LIMS1: variants seen among roughly 807,000 people sequenced by gnomAD.
LIMS1 encodes the protein LIM and senescent cell antigen-like-containing domain protein 1.
Under a neutral mutation model 44.1 loss-of-function variants are expected in LIMS1, and 18 were observed. That is an observed-to-expected ratio of 0.41 (90% CI 0.28 to 0.61). The LOEUF (loss-of-function observed/expected upper bound fraction) is 0.61. Among genes scored for constraint, LIMS1 ranks in the 20% least tolerant of loss-of-function variants. LIMS1 has a pLI of 0.32. For synonymous variants in LIMS1, 93 were observed against 149.1 expected (o/e 0.62, Z 2.74); for missense variants, 201 against 422.0 (o/e 0.48, Z 4.59).
At chr2:108,684,711 G>A (rs1339949701) in exon 10 of LIMS1, 1 of 151,840 alleles carries the variant, frequency 6.6e-6, no homozygotes, top group Non-Finnish European at 1.5e-5. Context: ...CCAGGTATTT[G>A]GAAATATACT....
At chr2:108,667,573 G>A (rs550155184) in intron 2 of LIMS1, among the ~76,000 whole-genome samples, 3,624 of 126,500 alleles carry the variant, frequency 0.029, 95 homozygotes, top group African/African-American at 0.081. Flanking sequence ...TATATATACT[G>A]CTGGGCTACT....
At position 108,613,646 on chromosome 2, in the gene LIMS1, A is replaced by G. The variant is rs539333271; in HGVS notation, c.33-45959A>G. 1.4e-3 allele frequency among the ~76,000 whole-genome samples: 208 copies of G among 152,218 alleles called. 1 individual carries two copies. The highest frequency in any genetic ancestry group is 4.9e-3 in the African/African-American group (203 of 41,560). ...CCCTGGGGCCTTTGCTGCCTCAGAG[A>G]GAGGGGTCCTCAGCAAACAGGTGGG... On this transcript the variant is annotated intron_variant, in intron 1 of 9. Coordinates refer to ENST00000544547, the Ensembl canonical transcript of LIMS1.
chr2:108,622,973 ATTT>A (rs68115708), intron 1 of LIMS1, among the ~76,000 whole-genome samples: 4,772 of 123,096 alleles, frequency 0.039, 217 homozygotes, highest in African/African-American at 0.13. Flanking sequence ...AAACAACTAG[ATTT>A]TTTTTTTTTT....
At chr2:108,639,741 G>A (rs763250510) in intron 1 of LIMS1, among the ~76,000 whole-genome samples, 4 of 152,166 alleles carry the variant, frequency 2.6e-5, no homozygotes, top group African/African-American at 4.8e-5. Context: ...GTGAGTCACC[G>A]TGCCCAGCCG....
chr2:108,534,488 C>T (rs1684045206), exon 1 of LIMS1: 10 of 1,112,470 alleles, frequency 9.0e-6, no homozygotes, highest in Non-Finnish European at 1.1e-5. Flanking sequence ...GCCGCGGCGG[C>T]GAGGGACTAG....
At chr2:108,561,847 A>ACT (rs1685135933) in intron 1 of LIMS1, among the ~76,000 whole-genome samples, 1 of 150,108 alleles carries the variant, frequency 6.7e-6, no homozygotes, top group Admixed American at 6.6e-5. Flanking sequence ...GGTTCAAGCA[A>ACT]CTCTCATGCC....
At chr2:108,584,864 A>C (rs1303554244) in intron 1 of LIMS1, among the ~76,000 whole-genome samples, 1 of 152,116 alleles carries the variant, frequency 6.6e-6, no homozygotes, top group Non-Finnish European at 1.5e-5. Context: ...AGATGGAGCC[A>C]GGTAGGGCCT....
intron 1 of LIMS1, among the ~76,000 whole-genome samples, chr2:108,555,956 C>T (rs1052235778): frequency 5.3e-5 from 8 of 151,872 alleles, no homozygotes; most frequent in Admixed American, 1.3e-4. Flanking sequence ...CTTTTTTGCC[C>T]GGTTTAATTA....
intron 1 of LIMS1, among the ~76,000 whole-genome samples, chr2:108,634,966 T>C (rs891203854): frequency 6.6e-6 from 1 of 152,168 alleles, no homozygotes; most frequent in African/African-American, 2.4e-5. Flanking sequence ...TTTGCCTCTT[T>C]GCTGGGGTCA....
chr2:108,612,011 T>C (rs570127237), intron 1 of LIMS1, among the ~76,000 whole-genome samples: 2 of 133,542 alleles, frequency 1.5e-5, no homozygotes, highest in African/African-American at 5.5e-5. Context: ...TACACACATA[T>C]ATATATACAC....
At chr2:108,585,264 C>T (rs969342249) in intron 1 of LIMS1, among the ~76,000 whole-genome samples, 1 of 151,542 alleles carries the variant, frequency 6.6e-6, no homozygotes, top group South Asian at 2.1e-4. Flanking sequence ...GTAGTGATAG[C>T]AGGTTCCTTA....
chr2:108,551,460 G>A (rs12468000), intron 1 of LIMS1, among the ~76,000 whole-genome samples: 89,733 of 141,534 alleles, frequency 0.63, 28,840 homozygotes, highest in East Asian at 0.97. Context: ...TATATAGTTA[G>A]CACACTCTAT....
chr2:108,620,156 A>G (rs959803132), intron 1 of LIMS1, among the ~76,000 whole-genome samples: 5 of 152,198 alleles, frequency 3.3e-5, no homozygotes, highest in Non-Finnish European at 7.3e-5. Context: ...GTGAAGGAAT[A>G]AGATGTAGAC....
At chr2:108,571,052 ATTTCC>A (rs1368103844) in intron 1 of LIMS1, among the ~76,000 whole-genome samples, 1 of 152,158 alleles carries the variant, frequency 6.6e-6, no homozygotes, top group African/African-American at 2.4e-5. Flanking sequence ...TTGTATCTTT[ATTTCC>A]TTTCCTTTCT....
At chr2:108,549,034 A>G (rs563151945) in intron 1 of LIMS1, among the ~76,000 whole-genome samples, 3 of 152,274 alleles carry the variant, frequency 2.0e-5, no homozygotes, top group South Asian at 2.1e-4. Flanking sequence ...AAAGCTACCT[A>G]TGCTTTTTGA....
intron 1 of LIMS1, among the ~76,000 whole-genome samples, chr2:108,545,649 CTG>C (rs1684458772): frequency 6.6e-6 from 1 of 152,160 alleles, no homozygotes; most frequent in Admixed American, 6.5e-5. Context: ...TTGAAGACTG[CTG>C]TGTCTTTTGG....
intron 1 of LIMS1, among the ~76,000 whole-genome samples, chr2:108,642,157 A>G (rs1689710219): frequency 6.6e-6 from 1 of 152,058 alleles, no homozygotes; most frequent in African/African-American, 2.4e-5. Context: ...ATGCAAATCT[A>G]TTTGTGGAAT....
chr2:108,546,949 A>G (rs745816512), intron 1 of LIMS1, among the ~76,000 whole-genome samples: 11 of 152,220 alleles, frequency 7.2e-5, no homozygotes, highest in East Asian at 3.8e-4. Flanking sequence ...AATTGTGTCT[A>G]TAACTTTAGT....
intron 1 of LIMS1, among the ~76,000 whole-genome samples, chr2:108,640,595 C>T (rs1689606657): frequency 6.6e-6 from 1 of 152,072 alleles, no homozygotes; most frequent in East Asian, 1.9e-4. Context: ...CTCTCTTTTG[C>T]CTGTGGGCTT....
Sources: gnomAD v4.1 joint callset for allele counts (sites outside exome capture counted in the v4.1 genomes callset) on GRCh38, gnomAD v4.1.1 for gene constraint, MANE v1.5 for transcripts, NCBI Gene and HGNC (gene_info 2026-07-23, HGNC 2026-07-21) for gene names.